The following LVRN variants were observed in gnomAD, a reference collection of about 807,000 sequenced individuals.
LVRN encodes the protein laeverin.
LVRN carries 99 observed loss-of-function variants against 111.4 expected under a neutral mutation model. That is an observed-to-expected ratio of 0.89 (90% CI 0.76 to 1.05). The LOEUF (loss-of-function observed/expected upper bound fraction) is 1.05, where lower values mean the gene tolerates loss of function less well. LVRN is among the 50% of genes least tolerant of loss of function. LVRN has a pLI of 0.00. For synonymous variants in LVRN, 488 were observed against 449.5 expected (o/e 1.09, Z -1.08); for missense variants, 1,414 against 1,206.8 (o/e 1.17, Z -2.54).
intron 1 of LVRN, among the ~76,000 whole-genome samples, chr5:115,973,032 G>C (rs1316392470): frequency 6.6e-6 from 1 of 151,870 alleles, no homozygotes; most frequent in African/African-American, 2.4e-5. Flanking sequence ...GGGCTCAGGT[G>C]ATTCTCCCAC....
chr5:115,994,647 T>C lies in LVRN; in HGVS notation c.1374+793T>C, dbSNP rs559244057. Reference sequence around the variant, plus strand: ...AAGTAATATGCTACTTCATATTTAATTAATATTATTGCTGATATTGTTTTG... The same window carrying C: ...AAGTAATATGCTACTTCATATTTAACTAATATTATTGCTGATATTGTTTTG... On this transcript the variant is annotated intron_variant, in intron 6 of 19. Transcript: ENST00000357872. Among the ~76,000 whole-genome samples, 3 of 43,238 alleles carry C rather than the reference T, an allele frequency of 6.9e-5. No homozygotes were observed. The East Asian group carries it at 1.9e-3, about 28-fold the overall frequency. The allele number at this position is 43,238 out of a possible 152,430, so 28.4% of individuals were successfully genotyped here. A position where few individuals can be genotyped will look rare whatever the true frequency, so the allele number is the denominator to read the frequency against.
At chr5:115,984,128 A>G (rs1477165335) in intron 2 of LVRN, among the ~76,000 whole-genome samples, 1 of 152,140 alleles carries the variant, frequency 6.6e-6, no homozygotes, top group East Asian at 1.9e-4. Context: ...TGAGTTTGTG[A>G]TTTCAGCTTT....
chr5:115,981,709 A>T lies in LVRN; in HGVS notation c.696-1578A>T, dbSNP rs568250069. Among the ~76,000 whole-genome samples the T allele has an allele frequency of 2.0e-5, 3 of 152,254 alleles. No homozygotes were observed. In the East Asian group the frequency reaches 5.8e-4, roughly 29 times the overall value. Reference sequence around the variant, plus strand: ...AACTGTTTTTCTTTTGGAACCCATTAACCATCCCCACCTCCCCCAACCCTG... The same window carrying T: ...AACTGTTTTTCTTTTGGAACCCATTTACCATCCCCACCTCCCCCAACCCTG... On this transcript the variant is annotated intron_variant, in intron 1 of 19. Coordinates refer to ENST00000357872, the MANE Select transcript of LVRN (RefSeq NM_173800.5).
At chr5:115,965,232 C>G (rs1353223158) in intron 1 of LVRN, among the ~76,000 whole-genome samples, 1 of 152,106 alleles carries the variant, frequency 6.6e-6, no homozygotes, top group Non-Finnish European at 1.5e-5. Flanking sequence ...GCAGAACCTG[C>G]CAAGTTCCTG....
At chr5:115,988,232 T>C (rs1747913649) in intron 4 of LVRN, among the ~76,000 whole-genome samples, 1 of 152,230 alleles carries the variant, frequency 6.6e-6, no homozygotes, top group Admixed American at 6.5e-5. Context: ...CTTTCTCTTT[T>C]GAGTTCAGGC....
chr5:115,968,660 A>G (rs1753254803), intron 1 of LVRN, among the ~76,000 whole-genome samples: 1 of 152,174 alleles, frequency 6.6e-6, no homozygotes, highest in African/African-American at 2.4e-5. Context: ...CTTCTAATGC[A>G]GGGAGGAAGG....
At chr5:116,014,301 A>G in intron 15 of LVRN, 119 bp from the exon 16 acceptor site, 1 of 710,922 alleles carries the variant, frequency 1.4e-6, no homozygotes, top group African/African-American at 1.8e-5. Context: ...AACAAACCTG[A>G]TGTCATTGAA....
Position 116,015,365 on chromosome 5 carries a change from AG to A in LVRN, c.2565del (p.Ile856PhefsTer7), listed in dbSNP as rs761094639. 9.9e-6 allele frequency: 16 copies of A among 1,611,422 alleles called. No homozygotes were observed. Among genetic ancestry groups the A allele is most frequent in the Non-Finnish European group, 1.4e-5 (16 of 1,179,254 alleles). ...TYTNTTNKEE[K>X]IQLAYAMSCS... The stretch of plus-strand genomic sequence containing the variant: ...ACTAATACAACAAACAAAGAAGAAA[AG>A]ATTCAACTTGCTTATGCAATGAGCT... On this transcript the variant is annotated frameshift_variant, in exon 17 of 20. Transcript: ENST00000357872. LOFTEE classifies it high-confidence loss of function.
chr5:116,006,027 AT>A, intron 13 of LVRN, 60 bp downstream of exon 13: 1 of 1,344,074 alleles, frequency 7.4e-7, no homozygotes, highest in Non-Finnish European at 1.1e-6. Flanking sequence ...TATAAAAATA[AT>A]AGCTTCATCA....
chr5:116,006,078 A>G (rs1561565772), intron 13 of LVRN, 111 bp downstream of exon 13: 3 of 803,262 alleles, frequency 3.7e-6, no homozygotes, highest in Non-Finnish European at 5.7e-6. Context: ...GCCATAACTG[A>G]TTAAGATTAG....
intron 6 of LVRN, among the ~76,000 whole-genome samples, 153 bp downstream of exon 6, chr5:115,994,007 T>G (rs1254714481): frequency 6.6e-6 from 1 of 151,772 alleles, no homozygotes; most frequent in East Asian, 1.9e-4. Flanking sequence ...TTTTGATATT[T>G]TTTTTTAATT....
At position 116,001,248 on chromosome 5, in the gene LVRN, C is replaced by G. The variant is rs748806994; in HGVS notation, c.1820+9C>G. 2 of 1,611,644 alleles carry G rather than the reference C, an allele frequency of 1.2e-6. No individual in the cohort carries two copies. The highest frequency in any genetic ancestry group is 1.7e-6 in the Non-Finnish European group (2 of 1,179,288). ...ACTCTTCTAACCAGCAAGTAGGTAG[C>G]TTTGCTCCTCTTTGTCTTCACCTTC... On this transcript the variant is annotated intron_variant, in intron 10 of 19. Transcript: ENST00000357872.
chr5:116,003,587 G>T (rs967892485), intron 12 of LVRN, among the ~76,000 whole-genome samples: 4,482 of 117,300 alleles, frequency 0.038, 80 homozygotes, highest in African/African-American at 0.04. Context: ...TGTTTTTTTT[G>T]TTTTTTTTTT....
Position 116,005,953 on chromosome 5 carries a change from C to T in LVRN, c.2079C>T (p.Ala693=), listed in dbSNP as rs544426361. ...ACAGACTGCAGTTGATTGATGATGC[C>T]TTTTCCTTGTCTAAGTGAGTATATT... ...VIHRLQLIDD[A]FSLSKNNYIE... The change falls in exon 13 of 20, where the codon GCC becomes GCT. Residue 693 remains alanine (A), a synonymous_variant. Coordinates refer to ENST00000357872, the MANE Select transcript of LVRN (RefSeq NM_173800.5). 1 of 1,592,374 alleles carries T rather than the reference C, an allele frequency of 6.3e-7. No homozygotes were observed. The highest frequency in any genetic ancestry group is 2.2e-5 in the East Asian group (1 of 44,666).
intron 3 of LVRN, among the ~76,000 whole-genome samples, chr5:115,985,146 G>A (rs1328302800): frequency 5.3e-5 from 8 of 152,094 alleles, no homozygotes; most frequent in African/African-American, 1.7e-4. Flanking sequence ...GAGTCAAAAC[G>A]GACACCAGCC....
Position 115,999,870 on chromosome 5 carries a change from C to T in LVRN, c.1483C>T (p.Gln495Ter), listed in dbSNP as rs1309011674. 1 of 1,613,208 alleles carries T rather than the reference C, an allele frequency of 6.2e-7. No individual in the cohort carries two copies. The highest frequency in any genetic ancestry group is 2.2e-5 in the East Asian group (1 of 44,854). The change falls in exon 7 of 20, where the codon CAG (glutamine) becomes TAG (stop). Residue 495 changes from glutamine to a stop codon, truncating the protein, a stop_gained. Transcript: ENST00000357872. LOFTEE classifies it high-confidence loss of function. ...KVENFKTSEI[Q>*]ELFDIFTYSK... is the part of the protein sequence containing the mutation. ...GGAAAATTTCAAAACAAGTGAAATA[C>T]AGGAACTCTTTGACATATTTACTTA...
chr5:115,983,965 T>C (rs1747780592), intron 2 of LVRN, among the ~76,000 whole-genome samples: 1 of 152,142 alleles, frequency 6.6e-6, no homozygotes, highest in Admixed American at 6.6e-5. Context: ...CCTCCACAAT[T>C]GTCATCTAAA....
intron 12 of LVRN, chr5:116,005,704 G>A (rs539610603): frequency 7.9e-6 from 5 of 632,354 alleles, no homozygotes; most frequent in African/African-American, 3.6e-5. Context: ...TATGATTGAT[G>A]TCCAGAGGGT....
At chr5:116,005,575 A>G (rs1441675734) in intron 12 of LVRN, among the ~76,000 whole-genome samples, 2 of 152,240 alleles carry the variant, frequency 1.3e-5, no homozygotes, top group South Asian at 2.1e-4. Context: ...TGGATGTTGT[A>G]ATACAACTTG....
Sources: allele counts gnomAD v4.1 joint callset (sites outside exome capture counted in the v4.1 genomes callset), GRCh38; gene constraint gnomAD v4.1.1; transcripts MANE v1.5; gene names NCBI Gene and HGNC (gene_info 2026-07-23, HGNC 2026-07-21).